The following CLCN4 variants were observed in gnomAD, a reference collection of about 807,000 sequenced individuals.
The protein encoded by CLCN4 is H(+)/Cl(-) exchange transporter 4.
A neutral mutation model predicts 41.7 loss-of-function variants in CLCN4; 1 was observed. The observed-to-expected ratio is 0.02, with a 90% CI of 0.01 to 0.11. The LOEUF is 0.11. Ranked by LOEUF, CLCN4 falls within the 10% of genes least tolerant of loss-of-function variation. The probability of loss-of-function intolerance (pLI) is 1.00; values close to 1 mark genes in which losing one functional copy is unlikely to be tolerated. For synonymous variants in CLCN4, 277 were observed against 285.8 expected (o/e 0.97, Z 0.31); for missense variants, 287 against 661.0 (o/e 0.43, Z 6.20).
intron 11 of CLCN4, among the ~76,000 whole-genome samples, chrX:10,216,880 TGTGTGTGTGTGTGTGTG>T: frequency 7.3e-5 from 1 of 13,774 alleles, no homozygotes; most frequent in Admixed American, 1.5e-3. Flanking sequence ...CTGTTGGGGA[TGTGTGTGTGTGTGTGTG>T]TATATATATA....
chrX:10,157,125 A>G (rs41309719), intron 1 of CLCN4, 25 bp downstream of exon 1: 16,314 of 295,561 alleles, frequency 0.055, 425 homozygotes, highest in Non-Finnish European at 0.074. Context: ...ACTCAGAAAA[A>G]CAAATTTGAG....
intron 2 of CLCN4, among the ~76,000 whole-genome samples, chrX:10,184,601 A>G (rs1354664701): frequency 3.6e-5 from 4 of 112,168 alleles, no homozygotes; most frequent in African/African-American, 1.3e-4. Context: ...TCCTGAGTGT[A>G]GGAGGGCTGT....
At chrX:10,207,331 G>T (rs770449789) in intron 8 of CLCN4, among the ~76,000 whole-genome samples, 3 of 112,493 alleles carry the variant, frequency 2.7e-5, no homozygotes, top group Admixed American at 9.4e-5. Context: ...AAGCATTTTT[G>T]ATTTTGGTAA....
chrX:10,195,513 C>T (rs1924074536), intron 5 of CLCN4, among the ~76,000 whole-genome samples: 1 of 111,760 alleles, frequency 8.9e-6, no homozygotes, highest in South Asian at 3.7e-4. Flanking sequence ...ATTCACAGTT[C>T]ACATTGTTCA....
At chrX:10,223,958 T>C (rs1924921129) in intron 12 of CLCN4, among the ~76,000 whole-genome samples, 1 of 111,949 alleles carries the variant, frequency 8.9e-6, no homozygotes, top group Non-Finnish European at 1.9e-5. Flanking sequence ...TCAAAGGGGC[T>C]GGAAGTTCAA....
At chrX:10,195,439 T>C (rs1924072519) in intron 5 of CLCN4, among the ~76,000 whole-genome samples, 2 of 111,846 alleles carry the variant, frequency 1.8e-5, no homozygotes, top group African/African-American at 6.5e-5. Flanking sequence ...CTTTGATATC[T>C]TCTAATTGAG....
chrX:10,180,156 T>C (rs1167109277), intron 2 of CLCN4, among the ~76,000 whole-genome samples: 1 of 112,432 alleles, frequency 8.9e-6, no homozygotes, highest in Non-Finnish European at 1.9e-5. Flanking sequence ...CCTTATTTTT[T>C]TTCTTGATAG....
rs754020577 is a variant in CLCN4 at position 10,198,020 on chromosome X, C to T, written c.514C>T (p.Arg172Cys). Residue 172 changes from arginine to cysteine, a missense_variant, in exon 6 of 13, where the codon CGT becomes TGT. Physicochemically the swap from Arg to Cys is radical, Grantham distance 180. This residue lies in a region of CLCN4 where 90 missense variants were observed against 209.8 expected (regional missense o/e 0.43). Transcript: ENST00000380833. Reference sequence around the variant, plus strand: ...TGCATTTTTGGCTGTCTCCCTGGTGCGTGTATTTGCACCATATGCCTGTGG... The same window carrying T: ...TGCATTTTTGGCTGTCTCCCTGGTGTGTGTATTTGCACCATATGCCTGTGG... Reference protein sequence around the residue: ...LFAFLAVSLVRVFAPYACGSG... With the variant: ...LFAFLAVSLVCVFAPYACGSG... 1.7e-6 allele frequency: 2 copies of T among 1,208,384 alleles called. No homozygotes were observed. The highest frequency in any genetic ancestry group is 1.8e-5 in the African/African-American group (1 of 56,932).
At chrX:10,162,549 A>G (rs1052749763) in intron 2 of CLCN4, among the ~76,000 whole-genome samples, 1 of 112,752 alleles carries the variant, frequency 8.9e-6, no homozygotes, top group Non-Finnish European at 1.9e-5. Context: ...ATGAAGTGTC[A>G]TGGTAGCAGT....
chrX:10,206,334 C>G, intron 6 of CLCN4, 24 bp from the exon 7 acceptor site: 1 of 1,151,295 alleles, frequency 8.7e-7, no homozygotes, highest in Non-Finnish European at 1.2e-6. Context: ...TTCATTCCCT[C>G]TTGTTCTCCA....
chrX:10,191,268 A>ATATAAAT (rs1472043774), intron 4 of CLCN4, among the ~76,000 whole-genome samples: 1 of 112,525 alleles, frequency 8.9e-6, no homozygotes, highest in African/African-American at 3.2e-5. Flanking sequence ...TGGGCATTTC[A>ATATAAAT]TATAAATGGA....
intron 11 of CLCN4, among the ~76,000 whole-genome samples, chrX:10,216,895 G>GTATATATATATATA (rs1277215208): frequency 0.036 from 75 of 2,066 alleles, no homozygotes; most frequent in African/African-American, 0.05. Flanking sequence ...GTGTGTGTGT[G>GTATATATATATATA]TGTATATATA....
intron 12 of CLCN4, among the ~76,000 whole-genome samples, chrX:10,231,860 G>T (rs141757375): frequency 1.3e-4 from 14 of 111,738 alleles, no homozygotes; most frequent in African/African-American, 3.9e-4. Flanking sequence ...GCAACCATTC[G>T]CCCAGTGATT....
intron 2 of CLCN4, among the ~76,000 whole-genome samples, chrX:10,171,673 T>C (rs1474009213): frequency 2.7e-5 from 3 of 111,963 alleles, no homozygotes; most frequent in African/African-American, 9.8e-5. Context: ...GGCATATGCA[T>C]GGCTATGATT....
At chrX:10,206,674 T>C (rs1460132888) in intron 7 of CLCN4, 22 bp from the exon 8 acceptor site, 53 of 1,200,865 alleles carry the variant, frequency 4.4e-5, no homozygotes, top group Non-Finnish European at 5.7e-5. Context: ...TTGAAGCTTA[T>C]GTAGAACTAT....
intron 4 of CLCN4, among the ~76,000 whole-genome samples, chrX:10,189,155 G>C (rs1296690058): frequency 8.9e-6 from 1 of 111,922 alleles, no homozygotes; most frequent in Non-Finnish European, 1.9e-5. Flanking sequence ...TCCTTATTTA[G>C]AGTAGATTGA....
chrX:10,177,258 G>A (rs926823413), intron 2 of CLCN4, among the ~76,000 whole-genome samples: 20 of 112,442 alleles, frequency 1.8e-4, no homozygotes, highest in African/African-American at 5.8e-4. Flanking sequence ...CAATGACAGC[G>A]GTGGAGCTGA....
chrX:10,213,925 G>A lies in CLCN4; in HGVS notation c.1821G>A (p.Pro607=), dbSNP rs776899987. Residue 607 remains proline, a synonymous_variant, in exon 11 of 13, where the codon CCG becomes CCA. Coordinates refer to ENST00000380833, the MANE Select transcript of CLCN4 (RefSeq NM_001830.4). Reference sequence around the variant, plus strand: ...TCATGCGGCCCCGGCGGGGAGAGCCGCCACTGTCGGTGCTCACCCAGGACA... The same window carrying A: ...TCATGCGGCCCCGGCGGGGAGAGCCACCACTGTCGGTGCTCACCCAGGACA... ...TDVMRPRRGE[P]PLSVLTQDSM... 9.9e-6 allele frequency: 12 copies of A among 1,210,607 alleles called. No homozygotes were observed. The highest frequency in any genetic ancestry group is 3.5e-5 in the South Asian group (2 of 56,857).
intron 9 of CLCN4, among the ~76,000 whole-genome samples, chrX:10,211,022 T>G (rs1415336422): frequency 9.6e-6 from 1 of 104,334 alleles, no homozygotes; most frequent in Non-Finnish European, 2.0e-5. Flanking sequence ...TCCAAGCACT[T>G]TGGGAGGCCA....
Sources: gnomAD v4.1 joint callset for allele counts (sites outside exome capture counted in the v4.1 genomes callset) on GRCh38, gnomAD v4.1.1 for gene constraint, gnomAD v4.1.1 regional missense constraint, MANE v1.5 for transcripts, NCBI Gene and HGNC (gene_info 2026-07-23, HGNC 2026-07-21) for gene names.